CFAP20DC: variants seen among roughly 807,000 people sequenced by gnomAD.
The protein encoded by CFAP20DC is protein CFAP20DC.
CFAP20DC carries 84 observed loss-of-function variants against 101.7 expected under a neutral mutation model. The observed-to-expected ratio is 0.83, with a 90% confidence interval of 0.69 to 0.99. CFAP20DC has a LOEUF of 0.99. Ranked by LOEUF, CFAP20DC falls within the 50% of genes least tolerant of loss-of-function variation. CFAP20DC has a pLI of 0.00. For missense variants in CFAP20DC, 1,007 were observed against 970.3 expected (o/e 1.04, Z -0.50); for synonymous variants, 359 against 351.2 (o/e 1.02, Z -0.25).
intron 4 of CFAP20DC, among the ~76,000 whole-genome samples, chr3:58,963,190 TTGTGTGTGTGTGTG>T (rs56234919): frequency 0.011 from 1,247 of 118,294 alleles, 24 homozygotes; most frequent in African/African-American, 0.035. Context: ...GTTCAGTAGT[TTGTGTGTGTGTGTG>T]TGTGTGTGTG....
chr3:58,918,325 T>C (rs2084959717), intron 5 of CFAP20DC, among the ~76,000 whole-genome samples: 1 of 152,146 alleles, frequency 6.6e-6, no homozygotes, highest in Admixed American at 6.6e-5. Flanking sequence ...CAGGCTCTAC[T>C]ACCCTTTTAG....
chr3:58,816,254 G>T (rs933232361), intron 14 of CFAP20DC, among the ~76,000 whole-genome samples: 1 of 152,118 alleles, frequency 6.6e-6, no homozygotes, highest in African/African-American at 2.4e-5. Context: ...GTAAACTATC[G>T]CAAGAACAAA....
chr3:58,737,380 A>G (rs1254459149), downstream of CFAP20DC, among the ~76,000 whole-genome samples: 2 of 151,916 alleles, frequency 1.3e-5, no homozygotes, highest in African/African-American at 4.8e-5. This position sits in a 1 kb window ranked among gnomAD's most constrained non-coding sequence, Gnocchi z 4.1. Context: ...AAACAAACAA[A>G]CTGAGGATGG....
chr3:58,914,681 T>C lies in CFAP20DC; in HGVS notation c.394-817A>G, dbSNP rs2084491972. Among the ~76,000 whole-genome samples the C allele has an allele frequency of 6.7e-6, 1 of 148,730 alleles. No homozygotes were observed. Among genetic ancestry groups the C allele is most frequent in the African/African-American group, 2.5e-5 (1 of 40,438 alleles). The stretch of plus-strand genomic sequence containing the variant: ...ACATAAGGTCCTGTATATATAAATA[T>C]ATATATATATATTTTTTTTCTTTTT... On this transcript the variant is annotated intron_variant, in intron 5 of 16. Transcript: ENST00000482387. The surrounding 1 kb of genome is among the most constrained non-coding windows in gnomAD (Gnocchi z 4.9).
intron 4 of CFAP20DC, among the ~76,000 whole-genome samples, chr3:58,976,148 C>T (rs1376995248): frequency 6.6e-6 from 1 of 152,200 alleles, no homozygotes; most frequent in Non-Finnish European, 1.5e-5. Context: ...AATGACTGAT[C>T]TCCACTTAAG....
intron 15 of CFAP20DC, among the ~76,000 whole-genome samples, chr3:58,785,104 G>T (rs1297900213): frequency 6.6e-6 from 1 of 152,028 alleles, no homozygotes; most frequent in African/African-American, 2.4e-5. Context: ...CTCTTTTATG[G>T]CTGAATACTA....
rs1179286541 is a variant in CFAP20DC at position 59,006,175 on chromosome 3, T to C, written c.278+33382A>G. On this transcript the variant is annotated intron_variant, in intron 4 of 16. Transcript: ENST00000482387. The surrounding 1 kb of genome is among the most constrained non-coding windows in gnomAD (Gnocchi z 4.3). The stretch of plus-strand genomic sequence containing the variant: ...TGGATGGACGGGGAGGAGGGGCGAA[T>C]AGGTTAGAATGTAGACAGTGGCAAA... 1.3e-5 allele frequency among the ~76,000 whole-genome samples: 2 copies of C among 151,862 alleles called. No individual in the cohort carries two copies. The highest frequency in any genetic ancestry group is 4.8e-5 in the African/African-American group (2 of 41,330).
intron 5 of CFAP20DC, among the ~76,000 whole-genome samples, chr3:58,929,864 C>A (rs890218373): frequency 6.6e-6 from 1 of 152,152 alleles, no homozygotes; most frequent in Non-Finnish European, 1.5e-5. Flanking sequence ...ATGATTGCCA[C>A]GCTCCCTAAA....
At chr3:58,752,808 C>G (rs369239093) in intron 16 of CFAP20DC, among the ~76,000 whole-genome samples, 1 of 152,062 alleles carries the variant, frequency 6.6e-6, no homozygotes, top group African/African-American at 2.4e-5. Flanking sequence ...AAGAAAAATG[C>G]GATGCTCTAC....
chr3:58,860,436 A>G (rs1265505377), intron 12 of CFAP20DC, among the ~76,000 whole-genome samples: 2 of 152,216 alleles, frequency 1.3e-5, no homozygotes, highest in African/African-American at 2.4e-5. Flanking sequence ...GAGAGAAGAT[A>G]CAAAAGCCTT....
intron 14 of CFAP20DC, among the ~76,000 whole-genome samples, chr3:58,809,132 C>G (rs144055858): frequency 0.12 from 18,186 of 151,884 alleles, 1,980 homozygotes; most frequent in East Asian, 0.35. Context: ...TTTAGCACCC[C>G]ACTGTCAACA....
At chr3:59,020,348 A>G (rs1250197324) in intron 4 of CFAP20DC, among the ~76,000 whole-genome samples, 2 of 152,068 alleles carry the variant, frequency 1.3e-5, no homozygotes, top group Non-Finnish European at 2.9e-5. Context: ...TATAGACATA[A>G]CATTTTAAAT....
chr3:58,992,128 T>C (rs1390927457), intron 4 of CFAP20DC, among the ~76,000 whole-genome samples: 2 of 152,180 alleles, frequency 1.3e-5, no homozygotes, highest in Non-Finnish European at 2.9e-5. Context: ...TTAAATGACA[T>C]GCCTAGGGTC....
chr3:59,040,702 A>C (rs1055955209), intron 3 of CFAP20DC, among the ~76,000 whole-genome samples: 12 of 152,120 alleles, frequency 7.9e-5, no homozygotes, highest in African/African-American at 2.9e-4. Context: ...TGGATAGTCT[A>C]TATAAAGAAC....
intron 15 of CFAP20DC, among the ~76,000 whole-genome samples, chr3:58,804,528 A>G (rs1246805764): frequency 6.6e-6 from 1 of 151,978 alleles, no homozygotes; most frequent in Non-Finnish European, 1.5e-5. Flanking sequence ...ACACCCTGCT[A>G]ATTTTTGTAT....
intron 4 of CFAP20DC, among the ~76,000 whole-genome samples, chr3:58,941,566 ATTTCTT>A (rs2088591221): frequency 6.7e-6 from 1 of 149,530 alleles, no homozygotes; most frequent in African/African-American, 2.5e-5. Flanking sequence ...TATAACTTTC[ATTTCTT>A]TTTCTTTTTT....
intron 3 of CFAP20DC, among the ~76,000 whole-genome samples, chr3:58,718,621 G>A (rs1403482829): frequency 6.6e-6 from 1 of 152,190 alleles, no homozygotes; most frequent in Non-Finnish European, 1.5e-5. Context: ...CTTCATTCTG[G>A]AGCTTTGGCC....
chr3:58,759,586 G>A (rs1445384142), intron 15 of CFAP20DC, among the ~76,000 whole-genome samples: 1 of 152,190 alleles, frequency 6.6e-6, no homozygotes, highest in Admixed American at 6.5e-5. Context: ...TGATTTTGGT[G>A]TTTTAGACAT....
At position 58,913,242 on chromosome 3, in the gene CFAP20DC, T is replaced by C. The variant is rs1031963720; in HGVS notation, c.550+466A>G. On this transcript the variant is annotated intron_variant, in intron 6 of 16. Coordinates refer to ENST00000482387, the MANE Select transcript of CFAP20DC (RefSeq NM_001394063.1). This position sits in a 1 kb window ranked among gnomAD's most constrained non-coding sequence, Gnocchi z 4.4. ...TTATGGAGTCTCTGTATAGTTGCAGTAGCTACTGGCAGTGGGTGGAGGTGG... is the reference window on the plus strand; with the variant it reads ...TTATGGAGTCTCTGTATAGTTGCAGCAGCTACTGGCAGTGGGTGGAGGTGG... 3.9e-5 allele frequency among the ~76,000 whole-genome samples: 6 copies of C among 152,152 alleles called. No individual in the cohort carries two copies. Among genetic ancestry groups the C allele is most frequent in the African/African-American group, 1.4e-4 (6 of 41,438 alleles).
Sources: allele counts gnomAD v4.1 joint callset (sites outside exome capture counted in the v4.1 genomes callset), GRCh38; gene constraint gnomAD v4.1.1; non-coding constraint Gnocchi (gnomAD v3.1); transcripts MANE v1.5; gene names NCBI Gene and HGNC (gene_info 2026-07-23, HGNC 2026-07-21).